The following LRRIQ3 variants were observed in gnomAD, a reference collection of about 807,000 sequenced individuals.
LRRIQ3 encodes the protein leucine rich repeats and IQ motif containing 3, also known as leucine-rich repeat and IQ domain-containing protein 3.
Under a neutral mutation model 59.3 loss-of-function variants are expected in LRRIQ3, and 75 were observed. That is an observed-to-expected ratio of 1.26 (90% CI 1.05 to 1.53). LRRIQ3 has a LOEUF of 1.53. LRRIQ3 is among the 40% of genes most tolerant of loss of function. The pLI, the probability that LRRIQ3 is intolerant of heterozygous loss-of-function variation, is 0.00. For missense variants in LRRIQ3, 831 were observed against 710.0 expected (o/e 1.17, Z -1.94); for synonymous variants, 250 against 231.3 (o/e 1.08, Z -0.73).
rs903344001 is a variant in LRRIQ3, at chr1:74,156,221, C to A, written c.574-355G>T. Among the ~76,000 whole-genome samples the A allele has an allele frequency of 3.3e-5, 5 of 152,202 alleles. No homozygotes were observed. In the East Asian group the frequency reaches 9.7e-4, roughly 29 times the overall value. On this transcript the variant is annotated intron_variant, in intron 3 of 7. Coordinates refer to ENST00000354431, the MANE Select transcript of LRRIQ3 (RefSeq NM_001105659.2). The stretch of plus-strand genomic sequence containing the variant: ...CTTCTGTCTCCTGCTCCCTCTCTCA[C>A]CATGTGACTTGCCTGCCTCCCATTC...
At position 74,038,418 on chromosome 1, in the gene LRRIQ3, T is replaced by C. The variant is rs549469040; in HGVS notation, c.1718+2795A>G. Among the ~76,000 whole-genome samples, 4 of 152,268 alleles carry C rather than the reference T, an allele frequency of 2.6e-5. No individual in the cohort carries two copies. The East Asian group carries it at 5.8e-4, about 22-fold the overall frequency. The stretch of plus-strand genomic sequence containing the variant: ...GAGGAATCTGGGCAGCCCAGACAAG[T>C]GGGTTTCCCCCCCAGCAAAACACAC... On this transcript the variant is annotated intron_variant, in intron 7 of 7. Transcript: ENST00000354431.
intron 6 of LRRIQ3, among the ~76,000 whole-genome samples, chr1:74,060,171 ATCT>A (rs201934433): frequency 0.025 from 3,604 of 146,956 alleles, 148 homozygotes; most frequent in African/African-American, 0.086. Context: ...CTTCGTCGTC[ATCT>A]TCTTCTTCTT....
chr1:74,073,903 T>C (rs947974080), intron 6 of LRRIQ3, among the ~76,000 whole-genome samples: 1 of 152,160 alleles, frequency 6.6e-6, no homozygotes, highest in Non-Finnish European at 1.5e-5. Context: ...ACAAATTTTA[T>C]CAGAATAAAT....
At chr1:74,156,104 G>A (rs536969063) in intron 3 of LRRIQ3, among the ~76,000 whole-genome samples, 3 of 152,094 alleles carry the variant, frequency 2.0e-5, no homozygotes, top group African/African-American at 7.2e-5. Context: ...CATGGGGGCT[G>A]TTCCCTCCTG....
At chr1:74,147,798 T>C (rs1190457699) in intron 4 of LRRIQ3, among the ~76,000 whole-genome samples, 4 of 152,176 alleles carry the variant, frequency 2.6e-5, no homozygotes, top group African/African-American at 4.8e-5. Flanking sequence ...TTGAGGACTT[T>C]TAAGCTTTCT....
chr1:74,140,630 G>A (rs1352166799), intron 4 of LRRIQ3, among the ~76,000 whole-genome samples: 1 of 151,702 alleles, frequency 6.6e-6, no homozygotes, highest in Non-Finnish European at 1.5e-5. Flanking sequence ...TTAAGCACAC[G>A]TGAAAAGCGT....
intron 5 of LRRIQ3, among the ~76,000 whole-genome samples, chr1:74,104,259 A>G (rs1307711120): frequency 1.3e-5 from 2 of 152,040 alleles, no homozygotes; most frequent in African/African-American, 4.8e-5. Context: ...ACTCTTATTC[A>G]TTGCTGATGG....
chr1:74,156,057 CA>C (rs1570227528), intron 3 of LRRIQ3, among the ~76,000 whole-genome samples, 191 bp from the exon 4 acceptor site: 1 of 152,072 alleles, frequency 6.6e-6, no homozygotes, highest in East Asian at 1.9e-4. Context: ...ATGCAATCCC[CA>C]ATGTTAGAGA....
At chr1:74,059,107 A>ATGT (rs140145235) in intron 6 of LRRIQ3, among the ~76,000 whole-genome samples, 2 of 151,386 alleles carry the variant, frequency 1.3e-5, no homozygotes, top group Middle Eastern at 3.4e-3. Flanking sequence ...TCCATAGCAG[A>ATGT]TATGTTATTT....
chr1:74,082,513 G>C (rs1269493641), intron 5 of LRRIQ3: 2 of 151,294 alleles, frequency 1.3e-5, no homozygotes, highest in Non-Finnish European at 3.0e-5. Flanking sequence ...AAAATACATA[G>C]CTCAAGACTC....
chr1:74,131,461 A>G (rs921848177), intron 4 of LRRIQ3, among the ~76,000 whole-genome samples: 3 of 152,190 alleles, frequency 2.0e-5, no homozygotes, highest in South Asian at 2.1e-4. Context: ...ATGAACATCA[A>G]TGCAAAATTC....
At chr1:74,130,307 G>A (rs1205358599) in intron 4 of LRRIQ3, among the ~76,000 whole-genome samples, 1 of 152,072 alleles carries the variant, frequency 6.6e-6, no homozygotes, top group Admixed American at 6.6e-5. Flanking sequence ...ACTTCCCTAT[G>A]GCTATGGCTG....
intron 5 of LRRIQ3, among the ~76,000 whole-genome samples, chr1:74,076,976 C>T (rs1646216840): frequency 6.6e-6 from 1 of 151,944 alleles, no homozygotes; most frequent in African/African-American, 2.4e-5. Context: ...TTCAATGTTG[C>T]CAAGGATAAT....
At position 74,140,910 on chromosome 1, in the gene LRRIQ3, A is replaced by G. The variant is rs773803019; in HGVS notation, c.707+14823T>C. 3.6e-4 allele frequency among the ~76,000 whole-genome samples: 54 copies of G among 151,818 alleles called. 1 individual carries two copies. The highest frequency in any genetic ancestry group is 9.9e-4 in the Admixed American group (15 of 15,194). ...ATATAAAAACATACATACATTCCAT[A>G]CTTGATGAAATTTTTAAATTTTTGA... On this transcript the variant is annotated intron_variant, in intron 4 of 7. Coordinates refer to ENST00000354431, the MANE Select transcript of LRRIQ3 (RefSeq NM_001105659.2).
At chr1:74,154,112 G>A (rs1336807301) in intron 4 of LRRIQ3, among the ~76,000 whole-genome samples, 1 of 151,450 alleles carries the variant, frequency 6.6e-6, no homozygotes, top group Non-Finnish European at 1.5e-5. Flanking sequence ...GTGGCGGCGG[G>A]TGCCTGTAGT....
chr1:74,191,522 A>G (rs895958375), intron 1 of LRRIQ3, among the ~76,000 whole-genome samples: 5 of 152,128 alleles, frequency 3.3e-5, no homozygotes, highest in African/African-American at 1.2e-4. Flanking sequence ...TTCACTCACC[A>G]AGACAGACCA....
At chr1:74,094,274 TAAC>T (rs1295525789) in intron 5 of LRRIQ3, among the ~76,000 whole-genome samples, 1 of 152,094 alleles carries the variant, frequency 6.6e-6, no homozygotes, top group African/African-American at 2.4e-5. Context: ...ATTCAGCTCA[TAAC>T]ACTTTATAGG....
chr1:74,151,206 C>T (rs1016987288), intron 4 of LRRIQ3, among the ~76,000 whole-genome samples: 8 of 151,396 alleles, frequency 5.3e-5, no homozygotes, highest in African/African-American at 1.2e-4. Context: ...TTAGTAGAGA[C>T]GGGGTTTCAC....
intron 5 of LRRIQ3, among the ~76,000 whole-genome samples, chr1:74,089,366 G>C (rs1179516369): frequency 6.6e-6 from 1 of 151,982 alleles, no homozygotes; most frequent in Non-Finnish European, 1.5e-5. Flanking sequence ...TGGATGTTTA[G>C]AGCAGCATAG....
Sources: gnomAD v4.1 joint callset for allele counts (sites outside exome capture counted in the v4.1 genomes callset) on GRCh38, gnomAD v4.1.1 for gene constraint, MANE v1.5 for transcripts, NCBI Gene and HGNC (gene_info 2026-07-23, HGNC 2026-07-21) for gene names.